Variants in HSPA12A observed in about 807,000 individuals in gnomAD.
HSPA12A encodes heat shock protein family A (Hsp70) member 12A, also known as heat shock 70 kDa protein 12A.
A neutral mutation model predicts 69.2 loss-of-function variants in HSPA12A; 28 were observed. The observed-to-expected ratio is 0.40, with a 90% CI of 0.30 to 0.55. The LOEUF (loss-of-function observed/expected upper bound fraction) is 0.55, where lower values mean the gene tolerates loss of function less well. Ranked by LOEUF, HSPA12A falls within the 20% of genes least tolerant of loss-of-function variation. HSPA12A has a pLI of 0.38. For missense variants in HSPA12A, 686 were observed against 900.7 expected (o/e 0.76, Z 3.05); for synonymous variants, 345 against 370.5 (o/e 0.93, Z 0.79).
At chr10:116,676,115 C>A (rs1379050001) in intron 11 of HSPA12A, among the ~76,000 whole-genome samples, 1 of 152,234 alleles carries the variant, frequency 6.6e-6, no homozygotes, top group Non-Finnish European at 1.5e-5. Flanking sequence ...TTATTTAATT[C>A]TTCCTCTTTG....
At chr10:116,807,654 G>A (rs1318791320) in intron 2 of HSPA12A, among the ~76,000 whole-genome samples, 1 of 152,198 alleles carries the variant, frequency 6.6e-6, no homozygotes, top group Non-Finnish European at 1.5e-5. Flanking sequence ...GTTCTGGGGT[G>A]TCTGCGCCAC....
chr10:116,818,953 T>C (rs761368566), intron 2 of HSPA12A, among the ~76,000 whole-genome samples: 2 of 151,874 alleles, frequency 1.3e-5, no homozygotes, highest in Non-Finnish European at 2.9e-5. Flanking sequence ...ACCTTCTCTG[T>C]TAACCCTTTG....
intron 1 of HSPA12A, among the ~76,000 whole-genome samples, chr10:116,735,920 C>T (rs1193590975): frequency 6.6e-6 from 1 of 151,996 alleles, no homozygotes; most frequent in Non-Finnish European, 1.5e-5. Flanking sequence ...TCGTTTCAGC[C>T]CAGGAAGCAG....
chr10:116,728,798 A>G (rs142598278), intron 1 of HSPA12A, among the ~76,000 whole-genome samples: 144 of 152,346 alleles, frequency 9.5e-4, no homozygotes, highest in Non-Finnish European at 1.7e-3. Flanking sequence ...TTTAACCCAA[A>G]GGAATGTGGC....
intron 2 of HSPA12A, among the ~76,000 whole-genome samples, chr10:116,788,917 G>A (rs184581115): frequency 1.3e-5 from 2 of 149,366 alleles, no homozygotes; most frequent in East Asian, 4.0e-4. Flanking sequence ...CCAGGCTGGA[G>A]TGCAGTGGCA....
intron 2 of HSPA12A, among the ~76,000 whole-genome samples, chr10:116,782,308 T>G (rs1844480479): frequency 6.6e-6 from 1 of 152,178 alleles, no homozygotes; most frequent in African/African-American, 2.4e-5. Flanking sequence ...TTTTGGAAAT[T>G]TGGCAATCTC....
At chr10:116,744,987 C>T (rs1398044092), upstream of HSPA12A, among the ~76,000 whole-genome samples, 2 of 152,178 alleles carry the variant, frequency 1.3e-5, no homozygotes, top group African/African-American at 4.8e-5. Context: ...TCAGTGACCT[C>T]AGCTCCTTCC....
intron 1 of HSPA12A, chr10:116,849,518 G>A (rs763981512): frequency 1.4e-4 from 200 of 1,452,388 alleles, no homozygotes; most frequent in East Asian, 7.8e-5. Flanking sequence ...CAGCAGGGAC[G>A]CTCGTGGGAC....
At chr10:116,768,861 AG>A (rs1312912601) in intron 2 of HSPA12A, among the ~76,000 whole-genome samples, 3 of 152,058 alleles carry the variant, frequency 2.0e-5, no homozygotes, top group African/African-American at 7.2e-5. Flanking sequence ...GCCTTAGCAC[AG>A]CCCCCTATTG....
chr10:116,774,482 C>A (rs1384891569), intron 2 of HSPA12A, among the ~76,000 whole-genome samples: 1 of 152,118 alleles, frequency 6.6e-6, no homozygotes, highest in East Asian at 1.9e-4. Context: ...GATCTACTGA[C>A]CCAGAGACTC....
At chr10:116,850,666 G>A (rs1490335032), upstream of HSPA12A, among the ~76,000 whole-genome samples, 1 of 152,074 alleles carries the variant, frequency 6.6e-6, no homozygotes, top group African/African-American at 2.4e-5. Flanking sequence ...TTGATATAAA[G>A]GATGTTCCGC....
rs1673926011 is a variant in HSPA12A at position 116,742,423 on chromosome 10, C to A, written c.40+7G>T. The A allele has an allele frequency of 9.1e-6, 13 of 1,433,126 alleles. No homozygotes were observed. The highest frequency in any genetic ancestry group is 1.3e-5 in the South Asian group (1 of 75,172). 88.8% of individuals were successfully genotyped at this position (1,433,126 alleles called of 1,614,324 possible). A position where few individuals can be genotyped will look rare whatever the true frequency, so the allele number is the denominator to read the frequency against. On this transcript the variant is annotated splice_region_variant and intron_variant, in intron 1 of 11. Transcript: ENST00000369209. ...CCGCGGCCGCAGGACCCGCAGCCTG[C>A]GCTCACCTCGGGGCCCGTCGCTGCC...
intron 1 of HSPA12A, among the ~76,000 whole-genome samples, chr10:116,709,831 A>T (rs193028281): frequency 8.8e-4 from 134 of 152,286 alleles, no homozygotes; most frequent in African/African-American, 3.2e-3. Flanking sequence ...ATACACTTAA[A>T]ATGGTTTAAG....
chr10:116,749,523 C>T (rs1025127631), intron 2 of HSPA12A, among the ~76,000 whole-genome samples: 7 of 152,330 alleles, frequency 4.6e-5, no homozygotes, highest in South Asian at 2.1e-4. Flanking sequence ...CTCAAGAACA[C>T]GTTTGTCTGT....
At chr10:116,759,948 T>C (rs534858746) in intron 2 of HSPA12A, among the ~76,000 whole-genome samples, 2 of 152,326 alleles carry the variant, frequency 1.3e-5, no homozygotes, top group East Asian at 3.9e-4. Flanking sequence ...GCCTTTCACC[T>C]TCCACCATGA....
chr10:116,689,320 G>GACGTGACCAGTTCTCCA (rs1390129058), intron 6 of HSPA12A, among the ~76,000 whole-genome samples: 2 of 151,976 alleles, frequency 1.3e-5, no homozygotes, highest in Non-Finnish European at 1.5e-5. Context: ...AAGCAGAGTA[G>GACGTGACCAGTTCTCCA]ACGTGACCAG....
In HSPA12A at chr10:116,681,704, A is replaced by G. The variant is rs1298557743; in HGVS notation, c.922+87T>C. 4 of 1,244,798 alleles carry G rather than the reference A, an allele frequency of 3.2e-6. No homozygotes were observed. In the African/African-American group the frequency reaches 5.9e-5, roughly 18 times the overall value. The allele number at this position is 1,244,798 out of a possible 1,614,324, so 77.1% of individuals were successfully genotyped here. A position where few individuals can be genotyped will look rare whatever the true frequency, so the allele number is the denominator to read the frequency against. ...AACCCACTGAGTTTGAACATTTTCC[A>G]AAAGTGCAAAAGGGACAAATGGGAA... On this transcript the variant is annotated intron_variant, in intron 8 of 11. Transcript: ENST00000369209.
chr10:116,699,033 T>C (rs1341937127), intron 4 of HSPA12A, among the ~76,000 whole-genome samples: 1 of 152,118 alleles, frequency 6.6e-6, no homozygotes, highest in Non-Finnish European at 1.5e-5. Flanking sequence ...GGGGCAACAG[T>C]AGAAGTCAGG....
intron 1 of HSPA12A, among the ~76,000 whole-genome samples, chr10:116,740,676 CTGTGTGTGTG>C (rs58266278): frequency 2.5e-4 from 23 of 92,228 alleles, no homozygotes; most frequent in African/African-American, 5.1e-4. Flanking sequence ...GTGTGTGTGT[CTGTGTGTGTG>C]TGTGTGTGTG....
Sources: allele counts gnomAD v4.1 joint callset (sites outside exome capture counted in the v4.1 genomes callset), GRCh38; gene constraint gnomAD v4.1.1; transcripts MANE v1.5; gene names NCBI Gene and HGNC (gene_info 2026-07-23, HGNC 2026-07-21).